Variants in NSUN3 observed in about 807,000 individuals in gnomAD.
The protein encoded by NSUN3 is tRNA (cytosine(34)-C(5))-methyltransferase, mitochondrial.
In NSUN3, 24 loss-of-function variants were observed where a neutral mutation model predicts 36.8. The ratio of observed to expected loss-of-function variants is 0.65; its 90% CI spans 0.47 to 0.92. NSUN3 has a LOEUF of 0.92. Ranked by LOEUF, NSUN3 falls within the 40% of genes least tolerant of loss-of-function variation. The pLI is 0.00. For missense variants in NSUN3, 381 were observed against 392.8 expected (o/e 0.97, Z 0.25); for synonymous variants, 146 against 145.2 (o/e 1.01, Z -0.04).
intron 3 of NSUN3, chr3:94,084,657 G>T: frequency 2.1e-6 from 1 of 470,986 alleles, no homozygotes; most frequent in Non-Finnish European, 3.7e-6. Context: ...TCTAGCAGGT[G>T]ATTGGGAACA....
intron 3 of NSUN3, among the ~76,000 whole-genome samples, chr3:94,085,818 G>C (rs2077290399): frequency 6.6e-6 from 1 of 152,078 alleles, no homozygotes; most frequent in Non-Finnish European, 1.5e-5. Context: ...TGTAGCCTCA[G>C]ATCACATACA....
At chr3:94,116,817 T>C (rs2077441799) in intron 5 of NSUN3, among the ~76,000 whole-genome samples, 1 of 152,076 alleles carries the variant, frequency 6.6e-6, no homozygotes, top group South Asian at 2.1e-4. Flanking sequence ...TAATACATGG[T>C]CTAACCTCCT....
In NSUN3 at chr3:94,126,340, T is replaced by G; in HGVS notation, c.873T>G (p.Ile291Met). The G allele has an allele frequency of 6.2e-7, 1 of 1,614,106 alleles. No homozygotes were observed. The highest frequency in any genetic ancestry group is 8.5e-7 in the Non-Finnish European group (1 of 1,180,032). ...NSHGNIMPMD[I>M]KGIARTCSHD... is the part of the protein sequence containing the mutation. ...ACGGTAACATCATGCCTATGGACAT[T>G]AAAGGAATAGCAAGGACTTGCTCCC... The change falls in exon 6 of 6, where the codon ATT (isoleucine) becomes ATG (methionine). Residue 291 changes from isoleucine to methionine, a missense_variant. Coordinates refer to ENST00000314622, the MANE Select transcript of NSUN3 (RefSeq NM_022072.5).
intron 5 of NSUN3, among the ~76,000 whole-genome samples, chr3:94,121,772 C>T (rs1375565777): frequency 6.6e-6 from 1 of 152,146 alleles, no homozygotes; most frequent in African/African-American, 2.4e-5. Context: ...TCCTGGATAC[C>T]ATAAAATTTT....
At chr3:94,076,205 G>C in intron 2 of NSUN3, 1 of 917,858 alleles carries the variant, frequency 1.1e-6, no homozygotes, top group African/African-American at 1.6e-5. Context: ...CTCACTGTGA[G>C]GTGACTACTG....
At chr3:94,106,839 T>C (rs1425575099) in intron 5 of NSUN3, among the ~76,000 whole-genome samples, 4 of 151,024 alleles carry the variant, frequency 2.6e-5, no homozygotes, top group Non-Finnish European at 5.9e-5. Context: ...AAGTCAACAA[T>C]GTAGTATTAA....
chr3:94,106,556 A>G (rs2077389783), intron 5 of NSUN3, among the ~76,000 whole-genome samples: 1 of 152,218 alleles, frequency 6.6e-6, no homozygotes, highest in Non-Finnish European at 1.5e-5. Flanking sequence ...TTAGATTCTT[A>G]TAGTACCCTG....
At chr3:94,097,655 A>C (rs1186366867) in intron 5 of NSUN3, among the ~76,000 whole-genome samples, 1 of 152,210 alleles carries the variant, frequency 6.6e-6, no homozygotes, top group African/African-American at 2.4e-5. Context: ...CAAAAAGGCT[A>C]TACCAGTTTA....
chr3:94,077,941 C>A (rs946566073), intron 2 of NSUN3, among the ~76,000 whole-genome samples: 3 of 152,164 alleles, frequency 2.0e-5, no homozygotes, highest in Non-Finnish European at 4.4e-5. Context: ...CTATCACCTT[C>A]AGTTCTGCTC....
chr3:94,108,919 C>T (rs957322344), intron 5 of NSUN3, among the ~76,000 whole-genome samples: 1 of 152,222 alleles, frequency 6.6e-6, no homozygotes, highest in African/African-American at 2.4e-5. Context: ...CCCAACTCGG[C>T]CTCCCAAAGT....
At position 94,126,701 on chromosome 3, in the gene NSUN3, G is replaced by A. The variant is rs2077487954; in HGVS notation, c.*211G>A. On this transcript the variant is annotated 3_prime_UTR_variant, in exon 6 of 6. Coordinates refer to ENST00000314622, the MANE Select transcript of NSUN3 (RefSeq NM_022072.5). ...ATCTGTAACAATGATTTAAGGTGGT[G>A]CAGATGGTGTTTGTTCTATATTATA... The A allele has an allele frequency of 2.0e-6, 1 of 496,584 alleles. No individual in the cohort carries two copies. Among genetic ancestry groups the A allele is most frequent in the Non-Finnish European group, 3.6e-6 (1 of 281,246 alleles). The allele number at this position is 496,584 out of a possible 1,614,324, so 30.8% of individuals were successfully genotyped here. A position where few individuals can be genotyped will look rare whatever the true frequency, so the allele number is the denominator to read the frequency against.
At chr3:94,072,557 A>AACTTTAAGAT (rs2077228293) in intron 2 of NSUN3, among the ~76,000 whole-genome samples, 1 of 152,134 alleles carries the variant, frequency 6.6e-6, no homozygotes, top group East Asian at 1.9e-4. Context: ...AAAACTCCCT[A>AACTTTAAGAT]AGTTGAGAAC....
chr3:94,084,286 C>T lies in NSUN3; in HGVS notation c.302C>T (p.Pro101Leu). The T allele has an allele frequency of 6.2e-7, 1 of 1,614,068 alleles. No individual in the cohort carries two copies. Among genetic ancestry groups the T allele is most frequent in the Non-Finnish European group, 8.5e-7 (1 of 1,180,008 alleles). The change falls in exon 3 of 6, where the codon CCT becomes CTT. Residue 101 changes from proline to leucine, a missense_variant. Pro to Leu is a moderately conservative substitution (Grantham distance 98). Transcript: ENST00000314622. The part of the protein sequence containing the change: ...CYLSRTPGRI[P>L]SERHQIGNLK... ...CTTAGCAGAACTCCGGGCCGAATCC[C>T]TTCAGAAAGACACCAAATTGGAAAC...
At chr3:94,106,699 G>A (rs2107264274) in intron 5 of NSUN3, among the ~76,000 whole-genome samples, 1 of 152,224 alleles carries the variant, frequency 6.6e-6, no homozygotes, top group East Asian at 1.9e-4. Flanking sequence ...TGCCCAGACT[G>A]CTGTTTGCCA....
intron 5 of NSUN3, among the ~76,000 whole-genome samples, chr3:94,115,544 G>A (rs1347798041): frequency 6.6e-6 from 1 of 152,114 alleles, no homozygotes; most frequent in East Asian, 1.9e-4. Flanking sequence ...GAAATTGTAG[G>A]CGAGACAGCG....
At chr3:94,083,007 T>C (rs1336027189) in intron 2 of NSUN3, among the ~76,000 whole-genome samples, 1 of 152,130 alleles carries the variant, frequency 6.6e-6, no homozygotes, top group Non-Finnish European at 1.5e-5. Context: ...ATTAATAGTC[T>C]CTAGGAAATT....
At chr3:94,076,751 G>C (rs1198298383) in intron 2 of NSUN3, 1 of 1,464,842 alleles carries the variant, frequency 6.8e-7, no homozygotes, top group African/African-American at 1.4e-5. Flanking sequence ...AGTCTTTGTT[G>C]TGATAATACA....
At chr3:94,108,573 A>G (rs1490397758) in intron 5 of NSUN3, among the ~76,000 whole-genome samples, 1 of 151,962 alleles carries the variant, frequency 6.6e-6, no homozygotes, top group Non-Finnish European at 1.5e-5. Context: ...TTGGGCCAGG[A>G]TGGTCTTGAT....
chr3:94,063,381 A>G (rs1045125040), intron 1 of NSUN3: 4 of 515,316 alleles, frequency 7.8e-6, no homozygotes, highest in Non-Finnish European at 1.1e-5. Flanking sequence ...GAGGGCTGAG[A>G]TTTGTTTTCT....
Sources: gnomAD v4.1 joint callset for allele counts (sites outside exome capture counted in the v4.1 genomes callset) on GRCh38, gnomAD v4.1.1 for gene constraint, MANE v1.5 for transcripts, NCBI Gene and HGNC (gene_info 2026-07-23, HGNC 2026-07-21) for gene names.